NRXN1: variants seen among roughly 807,000 people sequenced by gnomAD.
NRXN1 encodes neurexin 1.
A neutral mutation model predicts 150.9 loss-of-function variants in NRXN1; 39 were observed. That is an observed-to-expected ratio of 0.26 (90% CI 0.20 to 0.34). The LOEUF (loss-of-function observed/expected upper bound fraction) is 0.34. Among genes scored for constraint, NRXN1 ranks in the 10% least tolerant of loss-of-function variants. The pLI is 1.00. For synonymous variants in NRXN1, 924 were observed against 757.0 expected (o/e 1.22, Z -3.62); for missense variants, 1,815 against 1,949.9 (o/e 0.93, Z 1.30).
At chr2:50,276,691 T>G (rs1259115453) in intron 17 of NRXN1, among the ~76,000 whole-genome samples, 3 of 152,184 alleles carry the variant, frequency 2.0e-5, no homozygotes, top group Admixed American at 6.5e-5. Flanking sequence ...TAGCGAAAAC[T>G]TGACAACATT....
At chr2:50,831,109 CTTAAG>C (rs1237790235) in intron 5 of NRXN1, among the ~76,000 whole-genome samples, 1 of 152,086 alleles carries the variant, frequency 6.6e-6, no homozygotes. Context: ...AATTATACTC[CTTAAG>C]TTATTTATAA....
chr2:50,995,602 C>CA (rs34952996), intron 2 of NRXN1, among the ~76,000 whole-genome samples: 24,046 of 71,486 alleles, frequency 0.34, 3,148 homozygotes, highest in Non-Finnish European at 0.41. Context: ...TAGACTCTGT[C>CA]AAAAAAAAAA....
chr2:50,138,523 G>C (rs1706748221), intron 18 of NRXN1, among the ~76,000 whole-genome samples: 1 of 152,112 alleles, frequency 6.6e-6, no homozygotes, highest in Admixed American at 6.6e-5. Flanking sequence ...AGATGAAATA[G>C]ACAAATAACC....
intron 5 of NRXN1, among the ~76,000 whole-genome samples, chr2:50,860,873 CATACTT>C (rs995668585): frequency 2.6e-5 from 4 of 152,088 alleles, no homozygotes; most frequent in South Asian, 2.1e-4. Flanking sequence ...TTCAACATGA[CATACTT>C]ATAAAGATTT....
chr2:50,448,029 C>T (rs1224247612), intron 17 of NRXN1, among the ~76,000 whole-genome samples: 3 of 151,690 alleles, frequency 2.0e-5, no homozygotes, highest in Middle Eastern at 3.2e-3. Flanking sequence ...ATGTACTGCA[C>T]TTTAGTCAGT....
intron 21 of NRXN1, among the ~76,000 whole-genome samples, chr2:49,976,486 T>A (rs1279601426): frequency 6.6e-6 from 1 of 152,184 alleles, no homozygotes; most frequent in Non-Finnish European, 1.5e-5. Flanking sequence ...TTTACTTTTC[T>A]AATTTAAAAT....
intron 17 of NRXN1, among the ~76,000 whole-genome samples, chr2:50,340,779 A>AG (rs976421914): frequency 4.3e-4 from 65 of 152,302 alleles, no homozygotes; most frequent in African/African-American, 1.5e-3. Context: ...CAGTATAAAA[A>AG]GTCATGCTCA....
At chr2:50,558,749 A>G (rs963367344) in intron 8 of NRXN1, among the ~76,000 whole-genome samples, 6 of 152,192 alleles carry the variant, frequency 3.9e-5, no homozygotes, top group African/African-American at 1.4e-4. Context: ...AATGCAGTTA[A>G]TGCTTTTACT....
At chr2:50,690,301 A>T (rs959266781) in intron 5 of NRXN1, among the ~76,000 whole-genome samples, 1 of 152,246 alleles carries the variant, frequency 6.6e-6, no homozygotes, top group Non-Finnish European at 1.5e-5. Flanking sequence ...GATGAAAAGC[A>T]TAGTGTTATA....
In NRXN1 at chr2:50,421,326, T is replaced by C. The variant is rs56150458; in HGVS notation, c.3364+44116A>G. 5.0e-3 allele frequency among the ~76,000 whole-genome samples: 754 copies of C among 152,228 alleles called. 7 individuals are homozygous for C. Among genetic ancestry groups the C allele is most frequent in the Non-Finnish European group, 8.0e-3 (541 of 67,974 alleles). On this transcript the variant is annotated intron_variant, in intron 17 of 22. Coordinates refer to ENST00000401669, the MANE Select transcript of NRXN1 (RefSeq NM_001330078.2). ...GGATATAATTTACATCTATTCTCCC[T>C]TCCCCCTTCACTTTCTAAATGGAGC...
chr2:50,466,280 T>C (rs1039221631), intron 16 of NRXN1, among the ~76,000 whole-genome samples: 5 of 151,740 alleles, frequency 3.3e-5, no homozygotes, highest in Admixed American at 3.3e-4. Flanking sequence ...TATTCAAGAC[T>C]GAAAGCCTTT....
chr2:50,948,287 T>G (rs1295322703), intron 2 of NRXN1, among the ~76,000 whole-genome samples: 1 of 152,012 alleles, frequency 6.6e-6, no homozygotes, highest in East Asian at 1.9e-4. Flanking sequence ...ATTAATAAAC[T>G]GTAACATGGC....
chr2:50,609,571 A>C (rs1677689943), intron 8 of NRXN1, among the ~76,000 whole-genome samples: 1 of 152,138 alleles, frequency 6.6e-6, no homozygotes, highest in Admixed American at 6.6e-5. Flanking sequence ...GAAGCACAGA[A>C]ACATCAACTA....
intron 21 of NRXN1, among the ~76,000 whole-genome samples, chr2:50,006,420 AG>A (rs1684778748): frequency 6.6e-6 from 1 of 152,130 alleles, no homozygotes; most frequent in South Asian, 2.1e-4. Context: ...TAATGCCTGC[AG>A]ACCAAGTCCA....
intron 5 of NRXN1, among the ~76,000 whole-genome samples, chr2:50,731,803 C>T (rs774637546): frequency 1.6e-4 from 24 of 152,244 alleles, no homozygotes; most frequent in South Asian, 4.2e-4. Flanking sequence ...AAAATAAAGA[C>T]GCAACCCAGT....
At chr2:50,232,731 C>T (rs1049493659) in intron 18 of NRXN1, among the ~76,000 whole-genome samples, 2 of 151,882 alleles carry the variant, frequency 1.3e-5, no homozygotes, top group African/African-American at 4.8e-5. Context: ...TGTTCTCTGC[C>T]ATCAGAAAGT....
chr2:50,264,322 T>C (rs1035501964), intron 17 of NRXN1, among the ~76,000 whole-genome samples: 4 of 152,090 alleles, frequency 2.6e-5, no homozygotes, highest in Non-Finnish European at 5.9e-5. Context: ...TGTAGAACAG[T>C]CGCTAGGTCT....
At chr2:50,497,813 A>G in intron 13 of NRXN1, 99 bp from the exon 14 acceptor site, 2 of 1,122,038 alleles carry the variant, frequency 1.8e-6, no homozygotes, top group South Asian at 1.6e-5. Flanking sequence ...ACAAGGAGCC[A>G]AATCCCTCCT....
intron 21 of NRXN1, among the ~76,000 whole-genome samples, chr2:50,052,476 T>A (rs1375728481): frequency 6.6e-6 from 1 of 152,156 alleles, no homozygotes; most frequent in East Asian, 1.9e-4. Context: ...GGTTTTTTTT[T>A]CCCTGTGTTC....
Sources: gnomAD v4.1 joint callset for allele counts (sites outside exome capture counted in the v4.1 genomes callset) on GRCh38, gnomAD v4.1.1 for gene constraint, MANE v1.5 for transcripts, NCBI Gene and HGNC (gene_info 2026-07-23, HGNC 2026-07-21) for gene names.